Variants in NRCAM observed in about 807,000 individuals in gnomAD.
NRCAM encodes NgCAM-related cell adhesion molecule.
A neutral mutation model predicts 156.5 loss-of-function variants in NRCAM; 83 were observed. That is an observed-to-expected ratio of 0.53 (90% CI 0.44 to 0.64). NRCAM has a LOEUF of 0.64. NRCAM is among the 30% of genes least tolerant of loss of function. The pLI is 0.00. For synonymous variants in NRCAM, 538 were observed against 563.9 expected (o/e 0.95, Z 0.65); for missense variants, 1,417 against 1,597.3 (o/e 0.89, Z 1.92).
intron 2 of NRCAM, among the ~76,000 whole-genome samples, chr7:108,323,325 A>T (rs1258364334): frequency 6.6e-6 from 1 of 152,126 alleles, no homozygotes; most frequent in East Asian, 1.9e-4. Context: ...CCACCATTCC[A>T]TTTCCACATT....
intron 3 of NRCAM, among the ~76,000 whole-genome samples, chr7:108,242,531 T>C (rs1190767572): frequency 6.6e-6 from 1 of 152,210 alleles, no homozygotes; most frequent in Non-Finnish European, 1.5e-5. Flanking sequence ...ATTAGGTCTC[T>C]CGTGAGTTTT....
At chr7:108,432,161 C>T (rs1237546201) in intron 1 of NRCAM, among the ~76,000 whole-genome samples, 1 of 152,212 alleles carries the variant, frequency 6.6e-6, no homozygotes, top group Non-Finnish European at 1.5e-5. Context: ...TTTACCGTCT[C>T]AACCACTAAA....
intron 1 of NRCAM, among the ~76,000 whole-genome samples, chr7:108,450,758 A>G (rs1161768264): frequency 1.3e-5 from 2 of 152,248 alleles, no homozygotes; most frequent in Non-Finnish European, 2.9e-5. Flanking sequence ...GACTTGGACT[A>G]CAACACATAT....
chr7:108,252,098 G>C (rs1167665938), intron 3 of NRCAM, among the ~76,000 whole-genome samples: 1 of 152,132 alleles, frequency 6.6e-6, no homozygotes, highest in African/African-American at 2.4e-5. Flanking sequence ...TTGAGACCAA[G>C]GGATGTGGGA....
chr7:108,291,540 C>T (rs2098290015), intron 3 of NRCAM, among the ~76,000 whole-genome samples: 2 of 152,074 alleles, frequency 1.3e-5, no homozygotes, highest in Non-Finnish European at 2.9e-5. Context: ...GACTGGCTAA[C>T]GATAGTTATC....
At chr7:108,348,769 C>G (rs1007259153) in intron 2 of NRCAM, among the ~76,000 whole-genome samples, 1 of 151,890 alleles carries the variant, frequency 6.6e-6, no homozygotes, top group South Asian at 2.1e-4. Flanking sequence ...CAAAAAATAG[C>G]TGGGCCCTGT....
chr7:108,335,885 G>T (rs2099183407), intron 2 of NRCAM, among the ~76,000 whole-genome samples: 1 of 152,020 alleles, frequency 6.6e-6, no homozygotes, highest in African/African-American at 2.4e-5. Flanking sequence ...TCCACAGTCA[G>T]TAGAAAGCAC....
chr7:108,409,780 G>C (rs1027773626), intron 1 of NRCAM, among the ~76,000 whole-genome samples: 10 of 152,154 alleles, frequency 6.6e-5, no homozygotes, highest in African/African-American at 2.4e-4. Flanking sequence ...ACCCATAGAA[G>C]CTGTGAACAC....
intron 19 of NRCAM, 140 bp from the exon 20 acceptor site, chr7:108,189,886 T>C: frequency 1.8e-6 from 1 of 545,934 alleles, no homozygotes; most frequent in South Asian, 2.5e-5. Context: ...TGAAAGGAAA[T>C]GTGCACAGCT....
chr7:108,378,299 T>C (rs1353749840), intron 2 of NRCAM, among the ~76,000 whole-genome samples: 1 of 151,844 alleles, frequency 6.6e-6, no homozygotes, highest in Admixed American at 6.6e-5. Context: ...TAGAACTTCC[T>C]GAAAAAAATG....
rs1451395931 is a variant in NRCAM at position 108,180,433 on chromosome 7, A to G, written c.2647-6T>C. Reference sequence around the variant, plus strand: ...TGGGTCTTCCAATAGTAAATCTGAAACAGCAAGAACGAAAGTCAGGAATGC... The same window carrying G: ...TGGGTCTTCCAATAGTAAATCTGAAGCAGCAAGAACGAAAGTCAGGAATGC... On this transcript the variant is annotated splice_region_variant and splice_polypyrimidine_tract_variant and intron_variant, in intron 24 of 32. Coordinates refer to ENST00000379028, the MANE Select transcript of NRCAM (RefSeq NM_001037132.4). 3 of 1,611,486 alleles carry G rather than the reference A, an allele frequency of 1.9e-6. No homozygotes were observed. In the African/African-American group the frequency reaches 4.0e-5, roughly 22 times the overall value.
At chr7:108,419,891 A>G (rs975506816) in intron 1 of NRCAM, among the ~76,000 whole-genome samples, 3 of 152,140 alleles carry the variant, frequency 2.0e-5, no homozygotes, top group Non-Finnish European at 2.9e-5. Flanking sequence ...AGAGAAGGGA[A>G]ATGAGTGTAT....
chr7:108,278,515 C>G (rs568631020), intron 3 of NRCAM, among the ~76,000 whole-genome samples: 1 of 152,346 alleles, frequency 6.6e-6, no homozygotes, highest in East Asian at 1.9e-4. Context: ...CAATCTCAGG[C>G]TGCTGCACTA....
intron 17 of NRCAM, among the ~76,000 whole-genome samples, chr7:108,192,119 G>A (rs2072183933): frequency 6.6e-6 from 1 of 152,148 alleles, no homozygotes; most frequent in Non-Finnish European, 1.5e-5. Flanking sequence ...CCAAACCCTG[G>A]GCCAAGAACT....
intron 3 of NRCAM, among the ~76,000 whole-genome samples, chr7:108,295,389 GTCAC>G (rs1259333512): frequency 1.3e-5 from 2 of 152,196 alleles, no homozygotes. Flanking sequence ...AAATTTACTT[GTCAC>G]AATTCTGGAG....
intron 2 of NRCAM, among the ~76,000 whole-genome samples, chr7:108,315,539 C>G (rs1345059460): frequency 6.6e-6 from 1 of 152,182 alleles, no homozygotes; most frequent in African/African-American, 2.4e-5. Flanking sequence ...AAAGCATGTT[C>G]TCCAACTACA....
chr7:108,217,887 C>T (rs2090161299), intron 11 of NRCAM, among the ~76,000 whole-genome samples: 1 of 152,166 alleles, frequency 6.6e-6, no homozygotes, highest in South Asian at 2.1e-4. Flanking sequence ...AGCTAGATCA[C>T]TTGGCTCCCT....
At chr7:108,354,890 G>A (rs545927607) in intron 2 of NRCAM, among the ~76,000 whole-genome samples, 42 of 149,772 alleles carry the variant, frequency 2.8e-4, no homozygotes, top group Non-Finnish European at 5.3e-4. Context: ...GCGAAACTCT[G>A]TCTCAAAAAA....
intron 2 of NRCAM, among the ~76,000 whole-genome samples, chr7:108,340,744 A>G (rs1410859238): frequency 2.0e-5 from 3 of 152,178 alleles, no homozygotes; most frequent in Non-Finnish European, 4.4e-5. Context: ...AGAAAATCCT[A>G]CCGCCTTTCT....
Sources: allele counts gnomAD v4.1 joint callset (sites outside exome capture counted in the v4.1 genomes callset), GRCh38; gene constraint gnomAD v4.1.1; transcripts MANE v1.5; gene names NCBI Gene and HGNC (gene_info 2026-07-23, HGNC 2026-07-21).